TMIGD2: variants seen among roughly 807,000 people sequenced by gnomAD.
TMIGD2 encodes transmembrane and immunoglobulin domain-containing protein 2.
In TMIGD2, 18 loss-of-function variants were observed where a neutral mutation model predicts 22.6. The ratio of observed to expected loss-of-function variants is 0.80; its 90% CI spans 0.55 to 1.18. The LOEUF (loss-of-function observed/expected upper bound fraction) is 1.18, where lower values mean the gene tolerates loss of function less well. Ranked by LOEUF, TMIGD2 falls within the 50% of genes most tolerant of loss-of-function variation. The pLI, the probability that TMIGD2 is intolerant of heterozygous loss-of-function variation, is 0.00. For missense variants in TMIGD2, 361 were observed against 378.2 expected, an observed-to-expected ratio of 0.95 and a Z score of 0.38; for synonymous variants, 184 against 154.1, an observed-to-expected ratio of 1.19 and a Z score of -1.44.
At chr19:4,292,499 A>G in exon 5 of TMIGD2, 2 of 1,253,230 alleles carry the variant, frequency 1.6e-6, no homozygotes, top group South Asian at 2.4e-5. Context: ...GGCTTCCCAA[A>G]CTGCTGGGAT....
At position 4,297,970 on chromosome 19, in the gene TMIGD2, C is replaced by G; in HGVS notation, c.406+16G>C. 1 of 1,548,650 alleles carries G rather than the reference C, an allele frequency of 6.5e-7. No individual in the cohort carries two copies. Among genetic ancestry groups the G allele is most frequent in the Non-Finnish European group, 8.7e-7 (1 of 1,143,860 alleles). ...TCCTCCCCACTGCCCCTCCCTCTCC[C>G]CGCTGGCTCCCGTACCTGGGTCCAC... On this transcript the variant is annotated intron_variant, in intron 2 of 4. Coordinates refer to ENST00000301272, the Ensembl canonical transcript of TMIGD2.
At chr19:4,302,166 C>G (rs1331321330) in intron 1 of TMIGD2, among the ~76,000 whole-genome samples, 174 bp downstream of exon 1, 1 of 151,730 alleles carries the variant, frequency 6.6e-6, no homozygotes, top group Non-Finnish European at 1.5e-5. Flanking sequence ...TAGGGGCCCT[C>G]AGAGGATCCT....
intron 1 of TMIGD2, 22 bp downstream of exon 1, chr19:4,302,318 G>C: frequency 1.3e-6 from 2 of 1,562,320 alleles, no homozygotes; most frequent in Non-Finnish European, 1.7e-6. Context: ...GGTTCAGAGG[G>C]GAGGGAGGCC....
chr19:4,293,059 G>A (rs1406771668), intron 4 of TMIGD2, among the ~76,000 whole-genome samples, 174 bp from the exon 5 acceptor site: 2 of 151,716 alleles, frequency 1.3e-5, no homozygotes, highest in African/African-American at 4.8e-5. Flanking sequence ...CGCCTCCTGG[G>A]TTCACGCCAT....
intron 4 of TMIGD2, among the ~76,000 whole-genome samples, chr19:4,293,260 C>CTTTT (rs150388447): frequency 0.054 from 6,087 of 112,308 alleles, 242 homozygotes; most frequent in East Asian, 0.15. Context: ...CGCGCCCGGC[C>CTTTT]TTTTTTTTTT....
chr19:4,292,956 ATCTG>A, intron 4 of TMIGD2, 71 bp from the exon 5 acceptor site: 3 of 1,545,858 alleles, frequency 1.9e-6, no homozygotes, highest in South Asian at 2.4e-5. Flanking sequence ...CCTCTGGGGG[ATCTG>A]TCTCTTTTTT....
At chr19:4,301,865 A>G (rs989867484) in intron 1 of TMIGD2, among the ~76,000 whole-genome samples, 2 of 152,120 alleles carry the variant, frequency 1.3e-5, no homozygotes, top group African/African-American at 4.8e-5. Context: ...TAGCTGTGAG[A>G]AGTCTGACGT....
exon 5 of TMIGD2, chr19:4,292,704 G>A (rs374689069): frequency 9.4e-6 from 15 of 1,604,062 alleles, no homozygotes; most frequent in African/African-American, 1.3e-5. Context: ...GCCTGGGGCT[G>A]GGGCAGGGTC....
intron 4 of TMIGD2, among the ~76,000 whole-genome samples, chr19:4,293,321 T>C (rs1226828680): frequency 1.5e-5 from 2 of 135,558 alleles, no homozygotes; most frequent in African/African-American, 2.9e-5. Context: ...GTAGCAGCGG[T>C]GCGATCTCAG....
rs1971439576 is a variant in TMIGD2, at chr19:4,294,813, T to C, written c.410A>G (p.Asp137Gly). The C allele has an allele frequency of 2.5e-6, 4 of 1,571,536 alleles. No homozygotes were observed. In the East Asian group the frequency reaches 7.1e-5, roughly 28 times the overall value. The change falls in exon 3 of 5, where the codon GAC (aspartate) becomes GGC (glycine). Residue 137 changes from aspartate (D) to glycine (G), a missense_variant. Asp to Gly is a moderately conservative substitution (Grantham distance 94). Transcript: ENST00000301272. ...GATCCGGTTTCTGTTCTGTGTGGGG[T>C]CATCTGCAGAGAAGAAATCTATGTC...
At chr19:4,301,022 G>C (rs980189458) in intron 1 of TMIGD2, among the ~76,000 whole-genome samples, 5 of 152,176 alleles carry the variant, frequency 3.3e-5, no homozygotes, top group African/African-American at 1.2e-4. Context: ...GCCCAGGTGG[G>C]AGTGCAGTGG....
intron 1 of TMIGD2, among the ~76,000 whole-genome samples, chr19:4,301,624 C>T (rs915397550): frequency 3.9e-5 from 6 of 152,162 alleles, no homozygotes; most frequent in Non-Finnish European, 8.8e-5. Flanking sequence ...CAACCGAGAT[C>T]GCGTCACTGC....
rs552532298 is a variant in TMIGD2, at chr19:4,296,709, C to T, written c.406+1277G>A. 1.2e-3 allele frequency among the ~76,000 whole-genome samples: 127 copies of T among 105,692 alleles called. No individual in the cohort carries two copies. The Middle Eastern group carries it at 0.015, about 12-fold the overall frequency. The allele number at this position is 105,692 out of a possible 152,430, so 69.3% of individuals were successfully genotyped here. On this transcript the variant is annotated intron_variant, in intron 2 of 4. Coordinates refer to ENST00000301272, the Ensembl canonical transcript of TMIGD2. Reference sequence around the variant, plus strand: ...ACACACCCCTCCCTTGAGGCAGGCACGTGTCCCCCGCCAGCAGGCTGGTCC... The same window carrying T: ...ACACACCCCTCCCTTGAGGCAGGCATGTGTCCCCCGCCAGCAGGCTGGTCC...
At chr19:4,301,425 T>C (rs1461684015) in intron 1 of TMIGD2, among the ~76,000 whole-genome samples, 2 of 151,998 alleles carry the variant, frequency 1.3e-5, no homozygotes, top group Admixed American at 1.3e-4. Context: ...TCCCAGCACT[T>C]TGGGAGGCCA....
At chr19:4,292,517 G>T (rs755323981) in exon 5 of TMIGD2, 8 of 1,377,634 alleles carry the variant, frequency 5.8e-6, no homozygotes, top group Non-Finnish European at 8.2e-6. Flanking sequence ...GATTACAGGC[G>T]TGAGCCACCG....
chr19:4,294,638 G>T (rs1287448824), exon 4 of TMIGD2: 4 of 1,606,094 alleles, frequency 2.5e-6, no homozygotes. Context: ...CACGATCGCA[G>T]CCACACCCAT....
At chr19:4,292,862 G>A in exon 5 of TMIGD2, 1 of 1,613,898 alleles carries the variant, frequency 6.2e-7, no homozygotes, top group South Asian at 1.1e-5. Context: ...GGCCGGTATA[G>A]GACGTTGCTG....
chr19:4,302,238 A>C, intron 1 of TMIGD2, 102 bp downstream of exon 1: 2 of 1,269,988 alleles, frequency 1.6e-6, no homozygotes, highest in Admixed American at 2.5e-5. Context: ...CTTATCTGAC[A>C]GTAGAGAGAC....
chr19:4,292,981 T>C, intron 4 of TMIGD2, 96 bp from the exon 5 acceptor site: 1 of 1,531,142 alleles, frequency 6.5e-7, no homozygotes. Context: ...TTTTTTTCTG[T>C]GAGACGGAGT....
Sources: gnomAD v4.1 joint callset for allele counts (sites outside exome capture counted in the v4.1 genomes callset) on GRCh38, gnomAD v4.1.1 for gene constraint, MANE v1.5 for transcripts, NCBI Gene and HGNC (gene_info 2026-07-23, HGNC 2026-07-21) for gene names.